Variants in ANKRD33B observed in about 807,000 individuals in gnomAD.
ANKRD33B encodes ankyrin repeat domain 33B, also known as ankyrin repeat domain-containing protein 33B.
Under a neutral mutation model 21.5 loss-of-function variants are expected in ANKRD33B, and 6 were observed. The observed-to-expected ratio is 0.28, with a 90% CI of 0.15 to 0.55. The LOEUF is 0.55. ANKRD33B is among the 20% of genes least tolerant of loss of function. The probability of loss-of-function intolerance (pLI) is 0.94; values close to 1 mark genes in which losing one functional copy is unlikely to be tolerated. For synonymous variants in ANKRD33B, 347 were observed against 342.4 expected, an observed-to-expected ratio of 1.01 and a Z score of -0.15; for missense variants, 698 against 747.2, an observed-to-expected ratio of 0.93 and a Z score of 0.77.
rs1433176293 is a variant in ANKRD33B, at chr5:10,651,013, T to C, written c.*900T>C. The stretch of plus-strand genomic sequence containing the variant: ...AAATACAAAATTAAGCCATATGTGC[T>C]CTTAAGTAATTCGAATCCAGATATC... On this transcript the variant is annotated 3_prime_UTR_variant, in exon 4 of 4. Coordinates refer to ENST00000296657, the MANE Select transcript of ANKRD33B (RefSeq NM_001164440.2). 1 of 152,348 alleles carries C rather than the reference T, an allele frequency of 6.6e-6. No homozygotes were observed. Among genetic ancestry groups the C allele is most frequent in the East Asian group, 1.9e-4 (1 of 5,334 alleles). 9.4% of individuals were successfully genotyped at this position (152,348 alleles called of 1,614,324 possible).
intron 2 of ANKRD33B, among the ~76,000 whole-genome samples, chr5:10,623,843 A>G (rs1736479089): frequency 6.6e-6 from 1 of 152,184 alleles, no homozygotes; most frequent in African/African-American, 2.4e-5. Context: ...GGCCTCAGCC[A>G]TTATCCTGCT....
rs187760226 is a variant in ANKRD33B, at chr5:10,572,616, G to A, written c.366+7783G>A. On this transcript the variant is annotated intron_variant, in intron 1 of 3. Transcript: ENST00000296657. ...CCCACAACACATGGCTTCACCTACT[G>A]CCCATGCCGCAGCGTTAGTGTCAGG... Among the ~76,000 whole-genome samples the A allele has an allele frequency of 1.1e-4, 17 of 152,284 alleles. No individual in the cohort carries two copies. The East Asian group carries it at 3.1e-3, about 28-fold the overall frequency.
At position 10,590,605 on chromosome 5, in the gene ANKRD33B, C is replaced by T. The variant is rs369966816; in HGVS notation, c.366+25772C>T. Among the ~76,000 whole-genome samples, 779 of 95,348 alleles carry T rather than the reference C, an allele frequency of 8.2e-3. 7 individuals carry two copies. Among genetic ancestry groups the T allele is most frequent in the African/African-American group, 9.7e-3 (208 of 21,404 alleles). 62.6% of individuals were successfully genotyped at this position (95,348 alleles called of 152,430 possible). ...ATTTTGAGATGCGCGCGCGCGCGCG[C>T]GCGTGTGTGTGTGTGTGTGTGTTTT... On this transcript the variant is annotated intron_variant, in intron 1 of 3. Transcript: ENST00000296657.
chr5:10,570,066 G>A (rs1447573474), intron 1 of ANKRD33B, among the ~76,000 whole-genome samples: 4 of 152,050 alleles, frequency 2.6e-5, no homozygotes, highest in African/African-American at 7.2e-5. Flanking sequence ...TAGTAGAGAC[G>A]GGGTTGCGCC....
At chr5:10,638,969 G>A (rs1224857724) in intron 3 of ANKRD33B, among the ~76,000 whole-genome samples, 5 of 84,416 alleles carry the variant, frequency 5.9e-5, no homozygotes, top group Non-Finnish European at 1.0e-4. Flanking sequence ...GTTGCACGGC[G>A]ATGTTAGCGG....
chr5:10,591,194 G>GTTTTTTTTTTTTTTTTTTTTTTT (rs749837253), intron 1 of ANKRD33B, among the ~76,000 whole-genome samples: 2 of 113,456 alleles, frequency 1.8e-5, no homozygotes, highest in African/African-American at 3.2e-5. Context: ...TTTTTTTAGT[G>GTTTTTTTTTTTTTTTTTTTTTTT]GTTTTTTTTT....
chr5:10,630,322 C>T (rs551535899), intron 2 of ANKRD33B, among the ~76,000 whole-genome samples: 3 of 152,210 alleles, frequency 2.0e-5, no homozygotes, highest in Non-Finnish European at 4.4e-5. Context: ...CTGGGAGCAG[C>T]GAGCCAGCCT....
chr5:10,616,224 T>C (rs1236265839), intron 1 of ANKRD33B, among the ~76,000 whole-genome samples: 1 of 152,158 alleles, frequency 6.6e-6, no homozygotes, highest in Admixed American at 6.6e-5. Flanking sequence ...TTGAGATAAG[T>C]GGGCAGGGCT....
intron 1 of ANKRD33B, among the ~76,000 whole-genome samples, chr5:10,594,469 C>T (rs1026495328): frequency 1.4e-4 from 21 of 152,280 alleles, no homozygotes; most frequent in African/African-American, 4.8e-4. Flanking sequence ...CTGCCCTCCT[C>T]GGCCTCCCAA....
chr5:10,641,961 T>C (rs537575691), intron 3 of ANKRD33B, among the ~76,000 whole-genome samples: 2 of 152,240 alleles, frequency 1.3e-5, no homozygotes, highest in African/African-American at 4.8e-5. Context: ...ATGGTAATTA[T>C]GTGATGCTTT....
intron 1 of ANKRD33B, among the ~76,000 whole-genome samples, chr5:10,580,255 A>G (rs899283731): frequency 3.9e-5 from 6 of 152,252 alleles, no homozygotes; most frequent in African/African-American, 1.4e-4. Context: ...TAAAGTATGC[A>G]GAGCCCTAAG....
intron 1 of ANKRD33B, among the ~76,000 whole-genome samples, chr5:10,610,519 T>C (rs911742395): frequency 6.6e-6 from 1 of 151,354 alleles, no homozygotes; most frequent in Non-Finnish European, 1.5e-5. Context: ...GAGATACAGA[T>C]CAAGGTTTTA....
intron 2 of ANKRD33B, among the ~76,000 whole-genome samples, chr5:10,628,458 A>T (rs1325081327): frequency 6.6e-6 from 1 of 152,152 alleles, no homozygotes; most frequent in Non-Finnish European, 1.5e-5. Context: ...CTGGGATTAC[A>T]GGCGTGAACC....
Position 10,653,612 on chromosome 5 carries a change from C to T in ANKRD33B, c.*3499C>T, listed in dbSNP as rs533874063. 6.6e-6 allele frequency: 1 copy of T among 152,546 alleles called. No homozygotes were observed. Among genetic ancestry groups the T allele is most frequent in the Admixed American group, 6.5e-5 (1 of 15,296 alleles). 9.4% of individuals were successfully genotyped at this position (152,546 alleles called of 1,614,324 possible). A position where few individuals can be genotyped will look rare whatever the true frequency, so the allele number is the denominator to read the frequency against. On this transcript the variant is annotated 3_prime_UTR_variant, in exon 4 of 4. Transcript: ENST00000296657. ...TCGTAGAGGTGGACAGAAACACCCC[C>T]TCGTCTTCCTGAGCCATTTGGAAGC...
chr5:10,583,121 C>T (rs549286984), intron 1 of ANKRD33B, among the ~76,000 whole-genome samples: 5 of 152,072 alleles, frequency 3.3e-5, no homozygotes, highest in South Asian at 4.2e-4. Context: ...CTCAGCCTCC[C>T]GAGTAGCTGG....
At chr5:10,568,095 T>C (rs1735098606) in intron 1 of ANKRD33B, among the ~76,000 whole-genome samples, 1 of 152,228 alleles carries the variant, frequency 6.6e-6, no homozygotes, top group Non-Finnish European at 1.5e-5. Context: ...AGAAAATGCA[T>C]TCTCTCCTGC....
chr5:10,613,838 T>G (rs531163952), intron 1 of ANKRD33B, among the ~76,000 whole-genome samples: 2 of 150,838 alleles, frequency 1.3e-5, no homozygotes, highest in Non-Finnish European at 2.9e-5. Flanking sequence ...AGGCGGAGGT[T>G]GCAGTGAGCC....
intron 1 of ANKRD33B, among the ~76,000 whole-genome samples, chr5:10,611,725 A>G (rs767502980): frequency 4.4e-4 from 67 of 152,334 alleles, no homozygotes; most frequent in Non-Finnish European, 8.4e-4. Flanking sequence ...CTGGTTCAAG[A>G]TACTAACAAT....
At chr5:10,579,437 A>G (rs375750298) in intron 1 of ANKRD33B, among the ~76,000 whole-genome samples, 9 of 151,886 alleles carry the variant, frequency 5.9e-5, no homozygotes, top group African/African-American at 2.2e-4. Context: ...CTGAAGGGAT[A>G]ATTTTGAAAT....
Sources: allele counts gnomAD v4.1 joint callset (sites outside exome capture counted in the v4.1 genomes callset), GRCh38; gene constraint gnomAD v4.1.1; transcripts MANE v1.5; gene names NCBI Gene and HGNC (gene_info 2026-07-23, HGNC 2026-07-21).